Variants in METAP1 observed in about 807,000 individuals in gnomAD.
METAP1 encodes the protein methionine aminopeptidase 1.
METAP1 carries 28 observed loss-of-function variants against 53.8 expected under a neutral mutation model. That is an observed-to-expected ratio of 0.52 (90% CI 0.39 to 0.71). The LOEUF is 0.71. Ranked by LOEUF, METAP1 falls within the 30% of genes least tolerant of loss-of-function variation. The pLI is 0.00. For synonymous variants in METAP1, 181 were observed against 165.7 expected (o/e 1.09, Z -0.71); for missense variants, 389 against 479.8 (o/e 0.81, Z 1.77).
rs901962500 is a variant in METAP1 at position 99,034,140 on chromosome 4, A to G, written c.167-90A>G. 2.4e-5 allele frequency: 19 copies of G among 779,100 alleles called. No individual in the cohort carries two copies. In the East Asian group the frequency reaches 4.7e-4, roughly 19 times the overall value. 48.3% of individuals were successfully genotyped at this position (779,100 alleles called of 1,614,324 possible). ...CTTGGTTTTAAACAAGAGATATTCA[A>G]AGTATGCTGCTGCTCATTAGCTTGA... On this transcript the variant is annotated intron_variant, in intron 2 of 10. Transcript: ENST00000296411.
At chr4:99,006,075 A>G (rs144004113) in intron 1 of METAP1, among the ~76,000 whole-genome samples, 2 of 152,352 alleles carry the variant, frequency 1.3e-5, no homozygotes, top group Non-Finnish European at 2.9e-5. Context: ...TATGCTAGCT[A>G]GGACTTGTTG....
chr4:99,009,583 CT>C (rs1723371527), intron 1 of METAP1, among the ~76,000 whole-genome samples: 1 of 152,076 alleles, frequency 6.6e-6, no homozygotes, highest in Non-Finnish European at 1.5e-5. Flanking sequence ...TGAGCTGATA[CT>C]TCATAGAGAT....
intron 10 of METAP1, among the ~76,000 whole-genome samples, chr4:99,060,643 G>A (rs1252641704): frequency 1.3e-5 from 2 of 152,096 alleles, no homozygotes; most frequent in African/African-American, 4.8e-5. Flanking sequence ...GATTACAGGC[G>A]TGTGCCACCG....
At chr4:99,007,953 A>G (rs1302618438) in intron 1 of METAP1, among the ~76,000 whole-genome samples, 3 of 152,198 alleles carry the variant, frequency 2.0e-5, no homozygotes, top group Admixed American at 1.3e-4. Context: ...AGTGCTAGGT[A>G]TGCTTCCTCC....
At chr4:99,030,966 T>C (rs1391232573) in intron 2 of METAP1, among the ~76,000 whole-genome samples, 2 of 151,882 alleles carry the variant, frequency 1.3e-5, no homozygotes, top group Non-Finnish European at 2.9e-5. Flanking sequence ...GAATTGATAT[T>C]ATTTCTTCTT....
chr4:99,038,459 G>T (rs772967276), intron 4 of METAP1, among the ~76,000 whole-genome samples: 7 of 151,966 alleles, frequency 4.6e-5, no homozygotes, highest in Non-Finnish European at 7.4e-5. Flanking sequence ...CTTTATTTAT[G>T]AATGATGAAT....
rs1727576180 is a variant in METAP1 at position 99,062,069 on chromosome 4, G to A, written c.*752G>A. ...TTCCAAGTGGTGGCTGACTGTTGCA[G>A]GGAATGAGAATTTCATAATACACTG... On this transcript the variant is annotated 3_prime_UTR_variant, in exon 11 of 11. Coordinates refer to ENST00000296411, the MANE Select transcript of METAP1 (RefSeq NM_015143.3). 6.6e-6 allele frequency: 1 copy of A among 152,196 alleles called. No homozygotes were observed. The highest frequency in any genetic ancestry group is 1.5e-5 in the Non-Finnish European group (1 of 68,046). The allele number at this position is 152,196 out of a possible 1,614,324, so 9.4% of individuals were successfully genotyped here.
intron 3 of METAP1, among the ~76,000 whole-genome samples, chr4:99,034,866 C>A (rs548423241): frequency 4.8e-4 from 73 of 152,216 alleles, no homozygotes; most frequent in South Asian, 6.2e-4. Context: ...CTTTTGCCTT[C>A]CTCTATTCTT....
chr4:99,061,321 C>G lies in METAP1; in HGVS notation c.*4C>G, dbSNP rs756631478. ...TCACTTCATGTCTCAATTTTAATTT[C>G]TCCCAAGATGGCACATCTCAGTACC... On this transcript the variant is annotated 3_prime_UTR_variant, in exon 11 of 11. Coordinates refer to ENST00000296411, the MANE Select transcript of METAP1 (RefSeq NM_015143.3). The G allele has an allele frequency of 1.2e-6, 2 of 1,611,402 alleles. No homozygotes were observed. The highest frequency in any genetic ancestry group is 1.1e-5 in the South Asian group (1 of 90,770).
intron 1 of METAP1, among the ~76,000 whole-genome samples, chr4:99,003,368 T>C (rs1723011136): frequency 6.6e-6 from 1 of 152,224 alleles, no homozygotes; most frequent in African/African-American, 2.4e-5. Flanking sequence ...ATCCAGCAAG[T>C]TACAGGCTTA....
chr4:98,996,003 C>G (rs944072603), intron 1 of METAP1, 136 bp downstream of exon 1: 34 of 710,312 alleles, frequency 4.8e-5, no homozygotes, highest in Non-Finnish European at 7.2e-5. Flanking sequence ...CCTCCTCCCC[C>G]CACCCGCGTC....
At chr4:99,039,181 T>G in intron 4 of METAP1, 193 bp from the exon 5 acceptor site, 1 of 421,240 alleles carries the variant, frequency 2.4e-6, no homozygotes, top group Non-Finnish European at 4.2e-6. Context: ...TTTTCTTCAG[T>G]TGGTTTAGCG....
intron 6 of METAP1, 64 bp downstream of exon 6, chr4:99,041,190 C>A: frequency 1.8e-6 from 2 of 1,125,236 alleles, no homozygotes; most frequent in Non-Finnish European, 2.5e-6. Flanking sequence ...TGAACTTAAA[C>A]ATTAAGTAGA....
At chr4:99,021,209 T>C (rs748078170) in intron 1 of METAP1, among the ~76,000 whole-genome samples, 47 of 152,204 alleles carry the variant, frequency 3.1e-4, no homozygotes, top group Non-Finnish European at 5.6e-4. Flanking sequence ...AGTCACTTTC[T>C]CTCAACCACA....
rs917223092 is a variant in METAP1 at position 99,061,583 on chromosome 4, A to AC, written c.*267dup. The stretch of plus-strand genomic sequence containing the variant: ...TTGCCCTTTGAGCACTTTTACTTAA[A>AC]CTTGCTTGTAGTTGCTTTTATCACT... On this transcript the variant is annotated 3_prime_UTR_variant, in exon 11 of 11. Coordinates refer to ENST00000296411, the MANE Select transcript of METAP1 (RefSeq NM_015143.3). 1 of 293,146 alleles carries AC rather than the reference A, an allele frequency of 3.4e-6. No homozygotes were observed. Among genetic ancestry groups the AC allele is most frequent in the Non-Finnish European group, 6.2e-6 (1 of 160,394 alleles). The allele number at this position is 293,146 out of a possible 1,614,324, so 18.2% of individuals were successfully genotyped here.
At chr4:99,011,759 G>C (rs1250623925) in intron 1 of METAP1, among the ~76,000 whole-genome samples, 1 of 152,028 alleles carries the variant, frequency 6.6e-6, no homozygotes, top group African/African-American at 2.4e-5. Context: ...TGACCAACAT[G>C]GAGAAATGCC....
chr4:99,022,490 G>T, intron 1 of METAP1: 1 of 620,568 alleles, frequency 1.6e-6, no homozygotes, highest in Non-Finnish European at 2.9e-6. Context: ...TCAGTAGGAC[G>T]TTGGGCAAAT....
chr4:98,997,328 A>G (rs571154350), intron 1 of METAP1: 2 of 152,960 alleles, frequency 1.3e-5, no homozygotes, highest in South Asian at 4.1e-4. Flanking sequence ...TGTTAGTATA[A>G]TTTGGAAAAA....
intron 9 of METAP1, among the ~76,000 whole-genome samples, chr4:99,053,222 C>G (rs1726851351): frequency 6.6e-6 from 1 of 152,144 alleles, no homozygotes; most frequent in African/African-American, 2.4e-5. Flanking sequence ...AATTTCCTCC[C>G]ATGAATCACA....
Sources: gnomAD v4.1 joint callset for allele counts (sites outside exome capture counted in the v4.1 genomes callset) on GRCh38, gnomAD v4.1.1 for gene constraint, MANE v1.5 for transcripts, NCBI Gene and HGNC (gene_info 2026-07-23, HGNC 2026-07-21) for gene names.